MBD5: variants seen among roughly 807,000 people sequenced by gnomAD.
The protein encoded by MBD5 is methyl-CpG-binding domain protein 5.
A neutral mutation model predicts 117.3 loss-of-function variants in MBD5; 13 were observed. The observed-to-expected ratio is 0.11, with a 90% CI of 0.07 to 0.18. MBD5 has a LOEUF of 0.18. Ranked by LOEUF, MBD5 falls within the 10% of genes least tolerant of loss-of-function variation. The probability of loss-of-function intolerance (pLI) is 1.00; values close to 1 mark genes in which losing one functional copy is unlikely to be tolerated. For synonymous variants in MBD5, 727 were observed against 766.4 expected, an observed-to-expected ratio of 0.95 and a Z score of 0.85; for missense variants, 1,879 against 2,093.8, an observed-to-expected ratio of 0.90 and a Z score of 2.00.
At chr2:148,055,098 T>C (rs1368255786) in intron 1 of MBD5, 1 of 152,226 alleles carries the variant, frequency 6.6e-6, no homozygotes, top group African/African-American at 2.4e-5. Flanking sequence ...TTTTATGTTC[T>C]GATACTGATC....
rs138211803 is a variant in MBD5 at position 148,438,805 on chromosome 2, G to T, written c.-556-19398G>T. ...AAAAGAAATGTGTGTCCAAGTTCTCGAAGAGACCTGTTTGCCTTTTGTATT... is the reference window on the plus strand; with the variant it reads ...AAAAGAAATGTGTGTCCAAGTTCTCTAAGAGACCTGTTTGCCTTTTGTATT... On this transcript the variant is annotated intron_variant, in intron 4 of 13. Coordinates refer to ENST00000642680, the MANE Select transcript of MBD5 (RefSeq NM_001378120.1). 9.3e-3 allele frequency among the ~76,000 whole-genome samples: 1,415 copies of T among 152,192 alleles called. 2 individuals are homozygous for T. Among genetic ancestry groups the T allele is most frequent in the Non-Finnish European group, 0.013 (855 of 68,006 alleles).
At chr2:148,077,456 G>T (rs781760205) in intron 1 of MBD5, among the ~76,000 whole-genome samples, 1 of 152,106 alleles carries the variant, frequency 6.6e-6, no homozygotes, top group Non-Finnish European at 1.5e-5. Context: ...GAGGATACCT[G>T]CTTCCTTAGT....
At position 148,489,591 on chromosome 2, in the gene MBD5, C is replaced by G; in HGVS notation, c.3959C>G (p.Ala1320Gly). 1 of 1,614,110 alleles carries G rather than the reference C, an allele frequency of 6.2e-7. No individual in the cohort carries two copies. Among genetic ancestry groups the G allele is most frequent in the Non-Finnish European group, 8.5e-7 (1 of 1,180,026 alleles). ...VGGPGDASVD[A>G]IYKAVVDAAS... ...GGCCCAGGTGATGCTTCCGTAGATGCCATTTACAAAGCAGTTGTCGATGCA... is the reference window on the plus strand; with the variant it reads ...GGCCCAGGTGATGCTTCCGTAGATGGCATTTACAAAGCAGTTGTCGATGCA... The change falls in exon 11 of 14, where the codon GCC (alanine) becomes GGC (glycine). Residue 1320 changes from alanine (A) to glycine (G), a missense_variant. Ala to Gly is a moderately conservative substitution (Grantham distance 60, BLOSUM62 0). Around this residue, in one of 4 missense-constraint regions of MBD5, gnomAD observed 1,666 missense variants for 1,792.2 expected, o/e 0.93. Coordinates refer to ENST00000642680, the MANE Select transcript of MBD5 (RefSeq NM_001378120.1).
chr2:148,439,833 A>G (rs1706267379), intron 4 of MBD5, among the ~76,000 whole-genome samples: 2 of 150,212 alleles, frequency 1.3e-5, no homozygotes, highest in Admixed American at 1.3e-4. Context: ...CAAACTCCTG[A>G]GCTCAAGCAT....
intron 2 of MBD5, among the ~76,000 whole-genome samples, chr2:148,181,708 T>C (rs1698538488): frequency 6.6e-6 from 1 of 152,188 alleles, no homozygotes; most frequent in Non-Finnish European, 1.5e-5. Context: ...TATAGGAATT[T>C]GTTGTATGTG....
intron 4 of MBD5, among the ~76,000 whole-genome samples, chr2:148,356,614 C>G (rs1703387354): frequency 6.6e-6 from 1 of 152,066 alleles, no homozygotes; most frequent in African/African-American, 2.4e-5. Context: ...GCCAAGTATT[C>G]TTCTTTGGTT....
intron 3 of MBD5, among the ~76,000 whole-genome samples, chr2:148,303,789 GAAT>G (rs1259456942): frequency 1.3e-5 from 2 of 152,104 alleles, no homozygotes; most frequent in Non-Finnish European, 2.9e-5. Flanking sequence ...TGCTCACTCT[GAAT>G]AGATTTGTAT....
At chr2:148,067,210 C>A (rs375389980) in intron 1 of MBD5, among the ~76,000 whole-genome samples, 2 of 152,192 alleles carry the variant, frequency 1.3e-5, no homozygotes, top group Admixed American at 6.5e-5. Flanking sequence ...TTCTATTGAA[C>A]ACCCACTCTG....
At chr2:148,144,748 A>G (rs1697407221) in intron 1 of MBD5, among the ~76,000 whole-genome samples, 1 of 152,204 alleles carries the variant, frequency 6.6e-6, no homozygotes, top group Non-Finnish European at 1.5e-5. Context: ...TTCAAAGATT[A>G]GATGGTTGTA....
At chr2:148,325,162 GC>G in intron 3 of MBD5, among the ~76,000 whole-genome samples, 1 of 152,280 alleles carries the variant, frequency 6.6e-6, no homozygotes, top group Non-Finnish European at 1.5e-5. Context: ...TATTGAACCA[GC>G]CTTGCATCCC....
intron 3 of MBD5, among the ~76,000 whole-genome samples, chr2:148,330,051 C>G (rs1435413114): frequency 3.2e-5 from 1 of 31,148 alleles, no homozygotes; most frequent in Admixed American, 4.5e-4. Flanking sequence ...CCGCCCCCCC[C>G]ACACACACAC....
intron 1 of MBD5, among the ~76,000 whole-genome samples, chr2:148,109,381 C>T (rs1696453644): frequency 6.6e-6 from 1 of 152,210 alleles, no homozygotes; most frequent in South Asian, 2.1e-4. Context: ...ATGGTCATTG[C>T]ATCACTTTAT....
At chr2:148,111,999 C>G (rs1159107881) in intron 1 of MBD5, among the ~76,000 whole-genome samples, 4 of 152,112 alleles carry the variant, frequency 2.6e-5, no homozygotes, top group African/African-American at 9.7e-5. Context: ...GAACCATACT[C>G]ACCTATTTTT....
At chr2:148,080,118 T>C (rs1192609840) in intron 1 of MBD5, among the ~76,000 whole-genome samples, 1 of 152,212 alleles carries the variant, frequency 6.6e-6, no homozygotes. Flanking sequence ...CAAAGGAAGT[T>C]TAGGATTAAG....
chr2:148,147,392 C>T (rs1697494786), intron 1 of MBD5, among the ~76,000 whole-genome samples: 1 of 151,300 alleles, frequency 6.6e-6, no homozygotes, highest in Non-Finnish European at 1.5e-5. Flanking sequence ...CAAGCATGCA[C>T]CACCCCACCC....
intron 4 of MBD5, among the ~76,000 whole-genome samples, chr2:148,441,470 G>A (rs1574426412): frequency 6.6e-6 from 1 of 152,026 alleles, no homozygotes; most frequent in Non-Finnish European, 1.5e-5. Context: ...ATTCCATGGT[G>A]TATATGTGCC....
intron 1 of MBD5, among the ~76,000 whole-genome samples, chr2:148,150,457 T>G (rs926472566): frequency 2.7e-4 from 41 of 152,142 alleles, no homozygotes; most frequent in Non-Finnish European, 4.6e-4. Flanking sequence ...CTTTAAAGTA[T>G]TTTTTTCCAA....
rs144358466 is a variant in MBD5, at chr2:148,510,132, G to T, written c.5109G>T (p.Gly1703=). 1 of 1,604,272 alleles carries T rather than the reference G, an allele frequency of 6.2e-7. No individual in the cohort carries two copies. The highest frequency in any genetic ancestry group is 8.5e-7 in the Non-Finnish European group (1 of 1,171,436). Residue 1703 remains glycine (G), a synonymous_variant, in exon 13 of 14, where the codon GGG becomes GGT. Coordinates refer to ENST00000642680, the MANE Select transcript of MBD5 (RefSeq NM_001378120.1). The part of the protein sequence containing the change: ...EAMSELDKMS[G]TVHQIPQGDR... ...TGAGTGAACTGGACAAAATGTCTGGGACTGTAAGTTAATTTATTTTTCCAT... is the reference window on the plus strand; with the variant it reads ...TGAGTGAACTGGACAAAATGTCTGGTACTGTAAGTTAATTTATTTTTCCAT...
intron 4 of MBD5, among the ~76,000 whole-genome samples, chr2:148,374,594 C>T (rs1410698085): frequency 2.0e-5 from 3 of 152,086 alleles, no homozygotes; most frequent in Non-Finnish European, 4.4e-5. Flanking sequence ...GTTGACCTTC[C>T]GTTTGAAGTT....
Sources: gnomAD v4.1 joint callset for allele counts (sites outside exome capture counted in the v4.1 genomes callset) on GRCh38, gnomAD v4.1.1 for gene constraint, gnomAD v4.1.1 regional missense constraint, MANE v1.5 for transcripts, NCBI Gene and HGNC (gene_info 2026-07-23, HGNC 2026-07-21) for gene names.